LAMA2: variants seen among roughly 807,000 people sequenced by gnomAD.
LAMA2 encodes the protein laminin subunit alpha-2.
In LAMA2, 269 loss-of-function variants were observed where a neutral mutation model predicts 364.8. The ratio of observed to expected loss-of-function variants is 0.74; its 90% CI spans 0.67 to 0.82. The LOEUF (loss-of-function observed/expected upper bound fraction) is 0.82, where lower values mean the gene tolerates loss of function less well. Ranked by LOEUF, LAMA2 falls within the 40% of genes least tolerant of loss-of-function variation. The pLI is 0.00. For synonymous variants in LAMA2, 1,379 were observed against 1,370.6 expected (o/e 1.01, Z -0.14); for missense variants, 3,807 against 3,873.2 (o/e 0.98, Z 0.45).
chr6:129,455,524 A>G (rs1782915468), intron 47 of LAMA2, among the ~76,000 whole-genome samples: 1 of 152,186 alleles, frequency 6.6e-6, no homozygotes. Flanking sequence ...TTGCATCCTC[A>G]AAGAAAAAAG....
At chr6:129,168,305 G>A (rs1279109969) in intron 9 of LAMA2, among the ~76,000 whole-genome samples, 8 of 149,508 alleles carry the variant, frequency 5.4e-5, no homozygotes, top group Non-Finnish European at 1.1e-4. Context: ...TAGGTCTAAC[G>A]TTTAAGTCTT....
chr6:129,015,676 C>T (rs1480962708), intron 1 of LAMA2, among the ~76,000 whole-genome samples: 1 of 151,936 alleles, frequency 6.6e-6, no homozygotes, highest in Non-Finnish European at 1.5e-5. Flanking sequence ...CTCATTGTTC[C>T]TAAACAAAGA....
intron 4 of LAMA2, among the ~76,000 whole-genome samples, chr6:129,120,010 A>G (rs1776712252): frequency 6.6e-6 from 1 of 152,218 alleles, no homozygotes; most frequent in South Asian, 2.1e-4. Context: ...ACTTGAAAAT[A>G]TAATTTCTAG....
chr6:129,401,732 A>G (rs1323300101), intron 38 of LAMA2, among the ~76,000 whole-genome samples: 1 of 152,262 alleles, frequency 6.6e-6, no homozygotes, highest in East Asian at 1.9e-4. Context: ...ATGTGGTCAT[A>G]GAAATGCAAA....
intron 1 of LAMA2, among the ~76,000 whole-genome samples, chr6:129,020,117 A>G (rs1020795486): frequency 4.6e-5 from 7 of 151,342 alleles, no homozygotes; most frequent in African/African-American, 1.5e-4. Context: ...AAAAAAAAAA[A>G]AAGAAGTCTG....
chr6:129,325,343 T>C (rs1775209038), intron 28 of LAMA2, among the ~76,000 whole-genome samples: 1 of 152,144 alleles, frequency 6.6e-6, no homozygotes, highest in South Asian at 2.1e-4. Flanking sequence ...TAATTCCCCA[T>C]TGTGTTCCAG....
At chr6:129,189,328 T>C (rs1781403927) in intron 10 of LAMA2, among the ~76,000 whole-genome samples, 1 of 152,102 alleles carries the variant, frequency 6.6e-6, no homozygotes, top group Non-Finnish European at 1.5e-5. Flanking sequence ...ATTACAAATC[T>C]GTTTCCTGGA....
At chr6:129,272,795 A>G (rs1210898429) in intron 17 of LAMA2, among the ~76,000 whole-genome samples, 1 of 152,154 alleles carries the variant, frequency 6.6e-6, no homozygotes, top group Non-Finnish European at 1.5e-5. Flanking sequence ...TTCTCATAGA[A>G]GCTCAAACCC....
At position 129,503,600 on chromosome 6, in the gene LAMA2, G is replaced by A. The variant is rs570991019; in HGVS notation, c.8547+320G>A. 5.3e-5 allele frequency among the ~76,000 whole-genome samples: 8 copies of A among 152,330 alleles called. No homozygotes were observed. In the South Asian group the frequency reaches 1.0e-3, roughly 20 times the overall value. On this transcript the variant is annotated intron_variant, in intron 60 of 64. Transcript: ENST00000421865. ...CTAAGTGAGAAACGTAGAACAGAGT[G>A]TGTTCACCATCAAGCTCGATGTATT... is the stretch of plus-strand genomic sequence containing the variant.
At chr6:129,360,679 A>G (rs934506811) in intron 32 of LAMA2, among the ~76,000 whole-genome samples, 8 of 152,252 alleles carry the variant, frequency 5.3e-5, no homozygotes, top group African/African-American at 1.9e-4. Flanking sequence ...CTTTGGACAC[A>G]GAAACATAAA....
At chr6:128,987,914 C>T (rs1044932536) in intron 1 of LAMA2, among the ~76,000 whole-genome samples, 8 of 152,098 alleles carry the variant, frequency 5.3e-5, no homozygotes, top group Non-Finnish European at 8.8e-5. Flanking sequence ...CTCCCTCTGT[C>T]ACCAGGCTGG....
rs7741996 is a variant in LAMA2, at chr6:129,475,475, C to T, written c.7451+74C>T. 0.41 allele frequency: 443,222 copies of T among 1,091,014 alleles called. 92,002 individuals are homozygous for T. Among genetic ancestry groups the T allele is most frequent in the South Asian group, 0.48 (34,509 of 72,468 alleles). The allele number at this position is 1,091,014 out of a possible 1,614,324, so 67.6% of individuals were successfully genotyped here. A position where few individuals can be genotyped will look rare whatever the true frequency, so the allele number is the denominator to read the frequency against. On this transcript the variant is annotated intron_variant, in intron 53 of 64. Transcript: ENST00000421865. ...AATGTGGCTTCTTAGATAAAGCAGC[C>T]GTGCAGAAGCAGAGCAACACCAGTA...
At chr6:128,966,241 T>C (rs1188820581) in intron 1 of LAMA2, among the ~76,000 whole-genome samples, 2 of 152,062 alleles carry the variant, frequency 1.3e-5, no homozygotes, top group Non-Finnish European at 2.9e-5. Context: ...TTTTGCTAAG[T>C]AATATTCTAA....
intron 12 of LAMA2, among the ~76,000 whole-genome samples, chr6:129,220,235 A>T (rs1783732202): frequency 6.6e-6 from 1 of 151,720 alleles, no homozygotes; most frequent in Non-Finnish European, 1.5e-5. Flanking sequence ...GAATAAATAC[A>T]TGACTTAATA....
At chr6:128,943,682 A>C (rs1197689846) in intron 1 of LAMA2, among the ~76,000 whole-genome samples, 1 of 152,224 alleles carries the variant, frequency 6.6e-6, no homozygotes, top group East Asian at 1.9e-4. Flanking sequence ...AAACTAGTGG[A>C]AATAATATCA....
chr6:128,905,880 C>T lies in LAMA2; in HGVS notation c.112+22523C>T, dbSNP rs192263036. Among the ~76,000 whole-genome samples the T allele has an allele frequency of 2.7e-3, 409 of 151,852 alleles. 2 individuals carry two copies. Among genetic ancestry groups the T allele is most frequent in the African/African-American group, 9.0e-3 (372 of 41,384 alleles). On this transcript the variant is annotated intron_variant, in intron 1 of 64. Coordinates refer to ENST00000421865, the MANE Select transcript of LAMA2 (RefSeq NM_000426.4). Reference sequence around the variant, plus strand: ...ATTCCCACCTATGATTGAGAACATGCGGTGTTTGGTTTTTTATTCTTGTGA... The same window carrying T: ...ATTCCCACCTATGATTGAGAACATGTGGTGTTTGGTTTTTTATTCTTGTGA...
chr6:129,147,262 T>C (rs1008024227), intron 6 of LAMA2, among the ~76,000 whole-genome samples: 1 of 133,276 alleles, frequency 7.5e-6, no homozygotes, highest in African/African-American at 3.6e-5. Flanking sequence ...GATTAGTTTT[T>C]CCTTTTTTTT....
At position 129,481,389 on chromosome 6, in the gene LAMA2, A is replaced by G; in HGVS notation, c.7699A>G (p.Ser2567Gly). The G allele has an allele frequency of 6.2e-7, 1 of 1,614,014 alleles. No individual in the cohort carries two copies. The highest frequency in any genetic ancestry group is 2.2e-5 in the East Asian group (1 of 44,876). Residue 2567 changes from serine to glycine, a missense_variant, in exon 55 of 65, where the codon AGT (serine) becomes GGT (glycine). Physicochemically the swap from Ser to Gly is moderately conservative, Grantham distance 56. Coordinates refer to ENST00000421865, the MANE Select transcript of LAMA2 (RefSeq NM_000426.4). ...TGAGTCCGGCATCATTCTTTTGGGA[A>G]GTGGAGGGACACCAGCACCACCTAG... is the stretch of plus-strand genomic sequence containing the variant. ...KNESGIILLG[S>G]GGTPAPPRRK... is the part of the protein sequence containing the mutation.
Position 128,959,751 on chromosome 6 carries a change from T to G in LAMA2, c.112+76394T>G, listed in dbSNP as rs115829837. On this transcript the variant is annotated intron_variant, in intron 1 of 64. Coordinates refer to ENST00000421865, the MANE Select transcript of LAMA2 (RefSeq NM_000426.4). ...AACAAGTCTTAGTATTTCTTCCCTT[T>G]CTCTTTTCATGTTGAAATACACTAT... 7.0e-3 allele frequency among the ~76,000 whole-genome samples: 1,073 copies of G among 152,240 alleles called. 13 individuals are homozygous for G. Among genetic ancestry groups the G allele is most frequent in the African/African-American group, 0.024 (1,010 of 41,540 alleles).
Sources: gnomAD v4.1 joint callset for allele counts (sites outside exome capture counted in the v4.1 genomes callset) on GRCh38, gnomAD v4.1.1 for gene constraint, MANE v1.5 for transcripts, NCBI Gene and HGNC (gene_info 2026-07-23, HGNC 2026-07-21) for gene names.